Variants in LPIN1 observed in about 807,000 individuals in gnomAD.
LPIN1 encodes lipin 1, also known as phosphatidate phosphatase LPIN1.
A neutral mutation model predicts 107.5 loss-of-function variants in LPIN1; 71 were observed. That is an observed-to-expected ratio of 0.66 (90% CI 0.55 to 0.80). The LOEUF is 0.80. LPIN1 is among the 30% of genes least tolerant of loss of function. LPIN1 has a pLI of 0.00. For synonymous variants in LPIN1, 445 were observed against 452.6 expected, an observed-to-expected ratio of 0.98 and a Z score of 0.21; for missense variants, 1,043 against 1,160.6, an observed-to-expected ratio of 0.90 and a Z score of 1.47.
intron 1 of LPIN1, among the ~76,000 whole-genome samples, chr2:11,758,393 GAGTTCC>G (rs1558817477): frequency 6.6e-6 from 1 of 152,126 alleles, no homozygotes; most frequent in African/African-American, 2.4e-5. Context: ...CAGTGGACAA[GAGTTCC>G]AGTTTCTCCA....
At chr2:11,818,155 G>A (rs1236561785) in intron 18 of LPIN1, 4 of 152,116 alleles carry the variant, frequency 2.6e-5, no homozygotes, top group African/African-American at 9.7e-5. Context: ...TGCTAGGCCT[G>A]GCTTTCTGCT....
chr2:11,704,019 G>A (rs1183948535), intron 1 of LPIN1, among the ~76,000 whole-genome samples: 1 of 152,178 alleles, frequency 6.6e-6, no homozygotes, highest in East Asian at 1.9e-4. Flanking sequence ...GCTCACCTGG[G>A]ACCATTGACA....
intron 1 of LPIN1, among the ~76,000 whole-genome samples, chr2:11,760,091 G>T (rs1277767635): frequency 6.6e-6 from 1 of 151,468 alleles, no homozygotes; most frequent in East Asian, 2.0e-4. Flanking sequence ...GGGGCGGCGG[G>T]GCAGAGGCGC....
At chr2:11,741,298 A>G (rs1488815038) in intron 1 of LPIN1, 1 of 1,263,160 alleles carries the variant, frequency 7.9e-7, no homozygotes, top group East Asian at 2.6e-5. Flanking sequence ...CATTCTCGAG[A>G]GACACTGGAG....
At chr2:11,696,545 T>G (rs1662589331) in intron 1 of LPIN1, among the ~76,000 whole-genome samples, 1 of 152,172 alleles carries the variant, frequency 6.6e-6, no homozygotes. Context: ...TGCTAGAGCC[T>G]GGGTTTGGCC....
Position 11,786,729 on chromosome 2 carries a change from G to A in LPIN1, c.1550-345G>A, listed in dbSNP as rs140079765. 1.9e-3 allele frequency among the ~76,000 whole-genome samples: 288 copies of A among 152,342 alleles called. No individual in the cohort carries two copies. The highest frequency in any genetic ancestry group is 6.5e-3 in the African/African-American group (271 of 41,594). ...TACCCCCGTAATCGTGACTTCAGCC[G>A]AGGGAGCCTGGCTTCTGCGCCATGC... On this transcript the variant is annotated intron_variant, in intron 10 of 20. Transcript: ENST00000674199. This position sits in a 1 kb window ranked among gnomAD's most constrained non-coding sequence, Gnocchi z 4.1.
chr2:11,749,686 G>C (rs993811268), intron 1 of LPIN1, among the ~76,000 whole-genome samples: 1 of 152,204 alleles, frequency 6.6e-6, no homozygotes, highest in Admixed American at 6.5e-5. Flanking sequence ...CCCACAGGCT[G>C]TTCTGCACAC....
chr2:11,720,631 G>T (rs1664060808), upstream of LPIN1, among the ~76,000 whole-genome samples: 1 of 152,064 alleles, frequency 6.6e-6, no homozygotes, highest in Non-Finnish European at 1.5e-5. Context: ...TGGTAGAAGG[G>T]AACAGAGCAA....
rs115415621 is a variant in LPIN1 at position 11,697,545 on chromosome 2, G to A, written c.82-16211G>A. Reference sequence around the variant, plus strand: ...TCATCCCTTCCTCCCTAGCACTTGGGTGCCCAGTGCTTGCTGAACCGTGGT... The same window carrying A: ...TCATCCCTTCCTCCCTAGCACTTGGATGCCCAGTGCTTGCTGAACCGTGGT... On this transcript the variant is annotated intron_variant, in intron 1 of 21. Coordinates refer to the LPIN1 transcript ENST00000449576. The surrounding 1 kb of genome is among the most constrained non-coding windows in gnomAD (Gnocchi z 4.6). 7.0e-3 allele frequency among the ~76,000 whole-genome samples: 1,069 copies of A among 152,198 alleles called. 12 individuals are homozygous for A. The highest frequency in any genetic ancestry group is 0.024 in the African/African-American group (1,010 of 41,508).
At chr2:11,715,347 G>A (rs1205319079) in intron 2 of LPIN1, among the ~76,000 whole-genome samples, 1 of 152,192 alleles carries the variant, frequency 6.6e-6, no homozygotes, top group Non-Finnish European at 1.5e-5. Flanking sequence ...CCTGCACAGA[G>A]CTGGGCTCCC....
chr2:11,757,721 C>T (rs1668894471), intron 1 of LPIN1, among the ~76,000 whole-genome samples: 1 of 151,898 alleles, frequency 6.6e-6, no homozygotes, highest in Non-Finnish European at 1.5e-5. Context: ...AGCTCTCTTT[C>T]AAAGAAATTG....
intron 17 of LPIN1, among the ~76,000 whole-genome samples, chr2:11,808,491 T>G (rs889104531): frequency 1.3e-5 from 2 of 152,162 alleles, no homozygotes; most frequent in Admixed American, 6.5e-5. Flanking sequence ...GCCGTTTACA[T>G]GAGGGTTTGT....
intron 1 of LPIN1, among the ~76,000 whole-genome samples, chr2:11,699,439 G>GT (rs1662753586): frequency 6.6e-6 from 1 of 151,282 alleles, no homozygotes; most frequent in African/African-American, 2.4e-5. Flanking sequence ...TGGAGTCCCT[G>GT]GGGGGGGCGT....
At position 11,728,389 on chromosome 2, in the gene LPIN1, A is replaced by T. The variant is rs554781426; in HGVS notation, c.-72+3850A>T. The stretch of plus-strand genomic sequence containing the variant: ...CCTCTATCTTACTACTTGTTTTATT[A>T]AAAAAAATTTTTAGACAGAGTCTCA... On this transcript the variant is annotated intron_variant, in intron 1 of 21. Transcript: ENST00000396097. Among the ~76,000 whole-genome samples, 9 of 152,060 alleles carry T rather than the reference A, an allele frequency of 5.9e-5. No individual in the cohort carries two copies. In the East Asian group the frequency reaches 1.7e-3, roughly 29 times the overall value.
At chr2:11,723,612 T>C (rs1664324813), upstream of LPIN1, 1 of 151,872 alleles carries the variant, frequency 6.6e-6, no homozygotes, top group African/African-American at 2.4e-5. Flanking sequence ...AGCTGAGATC[T>C]CGCCACTGCA....
At chr2:11,781,939 T>C (rs570423325) in intron 7 of LPIN1, among the ~76,000 whole-genome samples, 1 of 152,378 alleles carries the variant, frequency 6.6e-6, no homozygotes, top group Admixed American at 6.5e-5. Context: ...TCTAACAGCA[T>C]TTAGGGTGCT....
At chr2:11,691,216 G>T (rs6432232) in intron 1 of LPIN1, among the ~76,000 whole-genome samples, 1 of 151,588 alleles carries the variant, frequency 6.6e-6, no homozygotes, top group African/African-American at 2.4e-5. Context: ...CCCCAGGTCC[G>T]GGGGCACAGT....
chr2:11,723,221 A>G (rs1664281544), upstream of LPIN1, among the ~76,000 whole-genome samples: 1 of 152,210 alleles, frequency 6.6e-6, no homozygotes, highest in African/African-American at 2.4e-5. Flanking sequence ...CCAAAGAGTG[A>G]GATGACCCAT....
chr2:11,777,002 C>G (rs148960484), intron 6 of LPIN1, among the ~76,000 whole-genome samples: 1 of 152,352 alleles, frequency 6.6e-6, no homozygotes, highest in African/African-American at 2.4e-5. Context: ...ATAGTTAAAA[C>G]TAACTAGCCT....
Sources: allele counts gnomAD v4.1 joint callset (sites outside exome capture counted in the v4.1 genomes callset), GRCh38; gene constraint gnomAD v4.1.1; non-coding constraint Gnocchi (gnomAD v3.1); transcripts MANE v1.5; gene names NCBI Gene and HGNC (gene_info 2026-07-23, HGNC 2026-07-21).